The following COL4A4 variants were observed in gnomAD, a reference collection of about 807,000 sequenced individuals.
The protein encoded by COL4A4 is collagen type IV alpha 4 chain.
COL4A4 carries 105 observed loss-of-function variants against 192.9 expected under a neutral mutation model. The ratio of observed to expected loss-of-function variants is 0.54; its 90% CI spans 0.46 to 0.64. The LOEUF is 0.64. COL4A4 is among the 30% of genes least tolerant of loss of function. The pLI, the probability that COL4A4 is intolerant of heterozygous loss-of-function variation, is 0.00. For synonymous variants in COL4A4, 762 were observed against 769.9 expected, an observed-to-expected ratio of 0.99 and a Z score of 0.17; for missense variants, 1,967 against 2,169.3, an observed-to-expected ratio of 0.91 and a Z score of 1.85.
At chr2:227,068,758 T>C (rs2058515879) in intron 25 of COL4A4, among the ~76,000 whole-genome samples, 1 of 148,838 alleles carries the variant, frequency 6.7e-6, no homozygotes, top group Non-Finnish European at 1.5e-5. Context: ...ACAGCCAATA[T>C]CATACTGAAT....
chr2:227,071,279 A>G (rs143884433), intron 25 of COL4A4, among the ~76,000 whole-genome samples: 1 of 152,136 alleles, frequency 6.6e-6, no homozygotes, highest in African/African-American at 2.4e-5. Context: ...AAACTTCAAA[A>G]TAACAATAGT....
At chr2:226,975,767 TATG>T in the COL4A4 span, among the ~76,000 whole-genome samples, 3 of 152,208 alleles carry the variant, frequency 2.0e-5, no homozygotes, top group Non-Finnish European at 4.4e-5. Context: ...TATTAAAAGT[TATG>T]ATGATGCTTA....
At chr2:227,055,666 T>C (rs1034478463) in intron 30 of COL4A4, among the ~76,000 whole-genome samples, 6 of 151,826 alleles carry the variant, frequency 4.0e-5, no homozygotes, top group Admixed American at 6.6e-5. Flanking sequence ...AAAATGAAAA[T>C]GCACCCTTCC....
chr2:227,106,360 AT>A (rs1270259309), intron 12 of COL4A4, among the ~76,000 whole-genome samples: 1 of 152,174 alleles, frequency 6.6e-6, no homozygotes, highest in African/African-American at 2.4e-5. Context: ...TCATACTGCT[AT>A]TTTTTTCATA....
At chr2:227,144,248 C>T (rs2063399907) in intron 3 of COL4A4, among the ~76,000 whole-genome samples, 1 of 152,172 alleles carries the variant, frequency 6.6e-6, no homozygotes, top group East Asian at 1.9e-4. Context: ...AATGGCCCAG[C>T]TGCCTCTTGC....
chr2:227,027,823 A>C, intron 42 of COL4A4, 79 bp downstream of exon 42: 2 of 1,026,230 alleles, frequency 1.9e-6, no homozygotes, highest in African/African-American at 3.2e-5. Context: ...CTAGTAATTC[A>C]GAATATTAAC....
intron 37 of COL4A4, among the ~76,000 whole-genome samples, chr2:227,041,900 AAGAAAGAAAGAAAG>A: frequency 6.7e-6 from 1 of 150,236 alleles, no homozygotes; most frequent in Non-Finnish European, 1.5e-5. Context: ...GAAAGAAAGA[AAGAAAGAAAGAAAG>A]AAAGAAAGAA....
At chr2:227,076,593 G>C (rs1230926604) in intron 25 of COL4A4, among the ~76,000 whole-genome samples, 1 of 152,126 alleles carries the variant, frequency 6.6e-6, no homozygotes, top group Non-Finnish European at 1.5e-5. Flanking sequence ...AAGACTTCAT[G>C]ATTAAAATAC....
At chr2:226,995,391 G>A in the COL4A4 span, 209 of 1,329,566 alleles carry the variant, frequency 1.6e-4, 2 homozygotes, top group African/African-American at 1.8e-3. Flanking sequence ...GCCTTGTCAC[G>A]TCAGAATGAT....
At chr2:227,133,688 T>C (rs1181479678) in intron 4 of COL4A4, among the ~76,000 whole-genome samples, 1 of 152,004 alleles carries the variant, frequency 6.6e-6, no homozygotes, top group Non-Finnish European at 1.5e-5. Flanking sequence ...GGTCAGGAGT[T>C]TGAGACCAGC....
rs1430212064 is a variant in COL4A4, at chr2:227,160,754, C to T, written c.-102+3253G>A. On this transcript the variant is annotated intron_variant, in intron 1 of 47. Coordinates refer to ENST00000396625, the MANE Select transcript of COL4A4 (RefSeq NM_000092.5). The stretch of plus-strand genomic sequence containing the variant: ...GTTTCAGAGTAGAAAGCCTGCAGGA[C>T]AGAAAACTAGCTAGATAGCTACCAT... Among the ~76,000 whole-genome samples the T allele has an allele frequency of 3.9e-5, 6 of 152,060 alleles. No homozygotes were observed. The East Asian group carries it at 5.8e-4, about 15-fold the overall frequency.
the COL4A4 span, chr2:226,988,390 AACAG>A: frequency 5.8e-6 from 9 of 1,550,562 alleles, no homozygotes; most frequent in East Asian, 2.4e-5. Context: ...TAAAGGTCAG[AACAG>A]ACAAAGGACC....
chr2:227,020,696 T>A (rs763009698), intron 44 of COL4A4, among the ~76,000 whole-genome samples: 13 of 152,036 alleles, frequency 8.6e-5, no homozygotes, highest in Non-Finnish European at 1.6e-4. Flanking sequence ...AGAGAGAACA[T>A]CCTGGTTCCT....
chr2:227,009,348 G>A (rs888343646), intron 46 of COL4A4, among the ~76,000 whole-genome samples: 2 of 152,050 alleles, frequency 1.3e-5, no homozygotes, highest in African/African-American at 2.4e-5. Flanking sequence ...AGTGTTTCCC[G>A]GCAGCCAGGT....
intron 37 of COL4A4, among the ~76,000 whole-genome samples, chr2:227,041,860 A>AAG (rs1384697280): frequency 2.2e-4 from 20 of 92,304 alleles, no homozygotes; most frequent in Non-Finnish European, 3.3e-4. Context: ...GAAAGAAAGA[A>AAG]AGAAAGAAAG....
At chr2:227,012,342 C>A (rs1199501181) in intron 44 of COL4A4, 45 bp from the exon 45 acceptor site, 4 of 1,464,778 alleles carry the variant, frequency 2.7e-6, no homozygotes, top group Admixed American at 1.7e-5. Flanking sequence ...AACCATGACA[C>A]CTGCTAGCAT....
At chr2:227,100,154 A>G (rs1246611787) in intron 17 of COL4A4, among the ~76,000 whole-genome samples, 1 of 151,750 alleles carries the variant, frequency 6.6e-6, no homozygotes, top group African/African-American at 2.4e-5. Flanking sequence ...TCCCTTGCAC[A>G]TGCTGAGCAA....
In COL4A4 at chr2:227,108,817, G is replaced by C; in HGVS notation, c.693+16C>G. On this transcript the variant is annotated intron_variant, in intron 11 of 47. Transcript: ENST00000396625. ...GTTCAGGGCTCTATTGATGTATCTT[G>C]CTCATGACTGCCTACCTTCAAACCT... 6.2e-7 allele frequency: 1 copy of C among 1,610,632 alleles called. No homozygotes were observed. The highest frequency in any genetic ancestry group is 8.5e-7 in the Non-Finnish European group (1 of 1,177,828).
chr2:227,108,985 C>G, intron 10 of COL4A4, 117 bp from the exon 11 acceptor site: 5 of 1,081,114 alleles, frequency 4.6e-6, no homozygotes, highest in Non-Finnish European at 5.8e-6. Context: ...TTAAAACATG[C>G]AGTGATGGAG....
Sources: allele counts gnomAD v4.1 joint callset (sites outside exome capture counted in the v4.1 genomes callset), GRCh38; gene constraint gnomAD v4.1.1; transcripts MANE v1.5; gene names NCBI Gene and HGNC (gene_info 2026-07-23, HGNC 2026-07-21).